Variants in SHANK2 observed in about 807,000 individuals in gnomAD.
SHANK2 encodes the protein SH3 and multiple ankyrin repeat domains protein 2.
Under a neutral mutation model 133.7 loss-of-function variants are expected in SHANK2, and 43 were observed. That is an observed-to-expected ratio of 0.32 (90% confidence interval 0.25 to 0.41). The LOEUF is 0.41. Ranked by LOEUF, SHANK2 falls within the 10% of genes least tolerant of loss-of-function variation. SHANK2 has a pLI of 1.00. For synonymous variants in SHANK2, 1,017 were observed against 952.8 expected (o/e 1.07, Z -1.24); for missense variants, 1,994 against 2,235.8 (o/e 0.89, Z 2.18).
chr11:71,100,754 C>G (rs900615377), intron 6 of SHANK2, among the ~76,000 whole-genome samples: 7 of 151,932 alleles, frequency 4.6e-5, no homozygotes, highest in Admixed American at 2.6e-4. Context: ...GTAGTCCCAG[C>G]TACTCAGGAG....
intron 17 of SHANK2, among the ~76,000 whole-genome samples, chr11:70,608,018 G>A (rs1300880785): frequency 6.6e-6 from 1 of 152,234 alleles, no homozygotes; most frequent in Admixed American, 6.5e-5. Flanking sequence ...GAGTCACACA[G>A]AAAAGGCAGT....
chr11:71,134,527 C>T (rs1338151657), intron 3 of SHANK2, among the ~76,000 whole-genome samples: 1 of 150,946 alleles, frequency 6.6e-6, no homozygotes, highest in African/African-American at 2.4e-5. Context: ...GCAACCTCCA[C>T]CTCCCAGGTT....
At chr11:70,690,020 T>C (rs1395593101) in intron 15 of SHANK2, among the ~76,000 whole-genome samples, 1 of 152,170 alleles carries the variant, frequency 6.6e-6, no homozygotes, top group Non-Finnish European at 1.5e-5. Flanking sequence ...ACATTCCAGA[T>C]ACCTTTTGTT....
intron 3 of SHANK2, among the ~76,000 whole-genome samples, chr11:71,134,060 C>T (rs1952388081): frequency 6.6e-6 from 1 of 151,526 alleles, no homozygotes; most frequent in Non-Finnish European, 1.5e-5. Context: ...AGAGCTTTTA[C>T]CTTTCTCGGT....
intron 10 of SHANK2, among the ~76,000 whole-genome samples, chr11:70,931,062 C>T (rs1217079373): frequency 6.6e-6 from 1 of 152,152 alleles, no homozygotes; most frequent in African/African-American, 2.4e-5. Context: ...CCAACACACG[C>T]TAACACATGG....
At chr11:70,788,347 G>A (rs931838794) in intron 14 of SHANK2, among the ~76,000 whole-genome samples, 1 of 152,154 alleles carries the variant, frequency 6.6e-6, no homozygotes, top group African/African-American at 2.4e-5. Flanking sequence ...AATCACCCAC[G>A]GTCAACTGAA....
chr11:70,719,423 C>A (rs1351547714), intron 14 of SHANK2, among the ~76,000 whole-genome samples: 1 of 152,126 alleles, frequency 6.6e-6, no homozygotes, highest in Admixed American at 6.5e-5. Context: ...GCATGGGCAC[C>A]CAGTGGGTTG....
At chr11:70,738,264 A>G (rs956024451) in intron 14 of SHANK2, among the ~76,000 whole-genome samples, 75 of 152,256 alleles carry the variant, frequency 4.9e-4, no homozygotes, top group Non-Finnish European at 1.0e-4. Flanking sequence ...CTTCCGAGGA[A>G]ACCGCGTCTG....
At chr11:70,914,672 T>TAAAATAAAATAAAATAAAATA in intron 10 of SHANK2, among the ~76,000 whole-genome samples, 1 of 132,242 alleles carries the variant, frequency 7.6e-6, no homozygotes. Flanking sequence ...AAAAAATAAA[T>TAAAATAAAATAAAATAAAATA]AAAATAAAAT....
chr11:70,785,367 C>A (rs1271807620), intron 14 of SHANK2, among the ~76,000 whole-genome samples: 10 of 152,198 alleles, frequency 6.6e-5, no homozygotes, highest in Non-Finnish European at 1.5e-4. Context: ...TGCTTTAAAC[C>A]TGCATTGCTC....
intron 10 of SHANK2, among the ~76,000 whole-genome samples, chr11:70,941,948 A>G (rs782684433): frequency 8.6e-5 from 13 of 152,032 alleles, no homozygotes; most frequent in Non-Finnish European, 1.6e-4. Flanking sequence ...AATCCCAGCT[A>G]TTTGAGGGGC....
At chr11:70,516,328 T>G (rs1554970073) in intron 17 of SHANK2, among the ~76,000 whole-genome samples, 1 of 152,114 alleles carries the variant, frequency 6.6e-6, no homozygotes, top group East Asian at 1.9e-4. Context: ...CCCACACAAA[T>G]AGAGTCAACT....
intron 10 of SHANK2, chr11:70,933,369 G>A: frequency 2.2e-6 from 1 of 453,608 alleles, no homozygotes; most frequent in South Asian, 1.6e-5. Context: ...TGGGGGAGGA[G>A]GGAACAAAGA....
chr11:70,515,971 G>T (rs782451739), intron 17 of SHANK2, among the ~76,000 whole-genome samples: 1 of 151,576 alleles, frequency 6.6e-6, no homozygotes, highest in Non-Finnish European at 1.5e-5. Flanking sequence ...CTGCATACTG[G>T]TTTCTTCAGT....
Position 70,473,333 on chromosome 11 carries a change from C to T in SHANK2, c.5086G>A (p.Asp1696Asn), listed in dbSNP as rs781858199. 1.1e-5 allele frequency: 18 copies of T among 1,613,280 alleles called. No homozygotes were observed. The highest frequency in any genetic ancestry group is 1.4e-5 in the Non-Finnish European group (16 of 1,180,016). ...QPITLQSRPP[D>N]YESRTSGTRR... ...GTTCCTGAGGTCCTGCTTTCATAGTCGGGGGGCCGGCTCTGCAGGGTGATG... is the reference window on the plus strand; with the variant it reads ...GTTCCTGAGGTCCTGCTTTCATAGTTGGGGGGCCGGCTCTGCAGGGTGATG... The change falls in exon 26 of 26, where the codon GAC (aspartate) becomes AAC (asparagine). Residue 1696 changes from aspartate to asparagine, a missense_variant. By Grantham distance (23) the Asp-to-Asn change is conservative (BLOSUM62 1). This residue lies in a region of SHANK2 where 797 missense variants were observed against 907.4 expected (regional missense o/e 0.88). Transcript: ENST00000601538. This position sits in a 1 kb window ranked among gnomAD's most constrained non-coding sequence, Gnocchi z 5.9.
intron 2 of SHANK2, among the ~76,000 whole-genome samples, chr11:71,186,969 GC>G (rs1953687396): frequency 6.6e-6 from 1 of 152,214 alleles, no homozygotes; most frequent in East Asian, 1.9e-4. Context: ...GATTCCTCCT[GC>G]CGTAGCTGGT....
At chr11:70,593,870 C>T (rs1352162469) in intron 17 of SHANK2, among the ~76,000 whole-genome samples, 2 of 152,142 alleles carry the variant, frequency 1.3e-5, no homozygotes, top group Non-Finnish European at 2.9e-5. Flanking sequence ...CAATGAATTG[C>T]TACAGTCCAG....
chr11:70,738,047 C>T (rs1335141524), intron 14 of SHANK2, among the ~76,000 whole-genome samples: 5 of 152,244 alleles, frequency 3.3e-5, no homozygotes, highest in Admixed American at 6.5e-5. Flanking sequence ...GCTGGCTGCA[C>T]GGTGACAAAG....
chr11:70,661,482 GTTTT>G (rs2134273048), intron 16 of SHANK2, 110 bp downstream of exon 16: 1 of 1,102,360 alleles, frequency 9.1e-7, no homozygotes, highest in South Asian at 1.4e-5. Context: ...GCTGGGGAAC[GTTTT>G]TCATGCAGGC....
Sources: allele counts gnomAD v4.1 joint callset (sites outside exome capture counted in the v4.1 genomes callset), GRCh38; gene constraint gnomAD v4.1.1; regional missense constraint gnomAD v4.1.1; non-coding constraint Gnocchi (gnomAD v3.1); transcripts MANE v1.5; gene names NCBI Gene and HGNC (gene_info 2026-07-23, HGNC 2026-07-21).